TCERG1L: variants seen among roughly 807,000 people sequenced by gnomAD.
The protein encoded by TCERG1L is transcription elongation regulator 1 like, also known as transcription elongation regulator 1-like protein.
Under a neutral mutation model 56.3 loss-of-function variants are expected in TCERG1L, and 37 were observed. The ratio of observed to expected loss-of-function variants is 0.66; its 90% CI spans 0.51 to 0.87. TCERG1L has a LOEUF of 0.87. TCERG1L is among the 40% of genes least tolerant of loss of function. The pLI is 0.00. For missense variants in TCERG1L, 799 were observed against 774.2 expected (o/e 1.03, Z -0.38); for synonymous variants, 324 against 326.3 (o/e 0.99, Z 0.08).
intron 6 of TCERG1L, chr10:131,156,009 G>T (rs1199246097): frequency 6.6e-6 from 1 of 152,200 alleles, no homozygotes; most frequent in African/African-American, 2.4e-5. Flanking sequence ...TTTCTCTTCA[G>T]CACTACTTAC....
intron 4 of TCERG1L, among the ~76,000 whole-genome samples, chr10:131,231,873 G>A (rs1300247577): frequency 2.0e-5 from 3 of 152,208 alleles, no homozygotes; most frequent in African/African-American, 4.8e-5. Flanking sequence ...GTGGAGAGGG[G>A]AGAGCAGCTC....
chr10:131,169,448 G>A (rs151319370), intron 4 of TCERG1L, among the ~76,000 whole-genome samples: 11 of 152,322 alleles, frequency 7.2e-5, no homozygotes, highest in East Asian at 5.8e-4. Context: ...AGGCCCAAGC[G>A]ATGGGACGAG....
chr10:131,285,513 AAAG>A (rs1346880747), intron 3 of TCERG1L, among the ~76,000 whole-genome samples: 17,666 of 59,380 alleles, frequency 0.3, 2,168 homozygotes, highest in Admixed American at 0.35. Flanking sequence ...AGAAAGAAAG[AAAG>A]AAAGAAAGAG....
chr10:131,295,058 T>C (rs1264901509), intron 3 of TCERG1L, among the ~76,000 whole-genome samples: 1 of 151,800 alleles, frequency 6.6e-6, no homozygotes, highest in Non-Finnish European at 1.5e-5. Context: ...TTGCCTAGAA[T>C]GTCACAAAAG....
At chr10:131,174,844 G>T (rs1031674726) in intron 4 of TCERG1L, among the ~76,000 whole-genome samples, 1 of 150,718 alleles carries the variant, frequency 6.6e-6, no homozygotes, top group Admixed American at 6.6e-5. Context: ...ACAGGACTCA[G>T]CCCGATCATG....
chr10:131,255,679 G>A (rs189404005), intron 4 of TCERG1L, among the ~76,000 whole-genome samples: 15 of 152,340 alleles, frequency 9.8e-5, no homozygotes, highest in East Asian at 9.7e-4. Context: ...GATGGCTAAC[G>A]GCTAACGTAG....
At chr10:131,167,944 C>T (rs1287424035) in intron 4 of TCERG1L, among the ~76,000 whole-genome samples, 1 of 152,180 alleles carries the variant, frequency 6.6e-6, no homozygotes, top group Non-Finnish European at 1.5e-5. Flanking sequence ...AACCATCTAA[C>T]CACACACCAA....
chr10:131,277,869 G>A (rs1373350854), intron 3 of TCERG1L, among the ~76,000 whole-genome samples: 1 of 151,970 alleles, frequency 6.6e-6, no homozygotes, highest in Non-Finnish European at 1.5e-5. Flanking sequence ...AGTGGCAGGT[G>A]CCTCCTGAGC....
At chr10:131,246,730 G>A (rs545392147) in intron 4 of TCERG1L, among the ~76,000 whole-genome samples, 35 of 152,272 alleles carry the variant, frequency 2.3e-4, no homozygotes, top group African/African-American at 6.5e-4. Context: ...TTGGTCCAAA[G>A]AGGAGGAATT....
At chr10:131,277,776 G>C (rs1846408237) in intron 3 of TCERG1L, among the ~76,000 whole-genome samples, 1 of 152,198 alleles carries the variant, frequency 6.6e-6, no homozygotes, top group Admixed American at 6.5e-5. Context: ...TGAGCCCTGA[G>C]GACATCTGGT....
intron 9 of TCERG1L, among the ~76,000 whole-genome samples, chr10:131,115,946 G>A (rs905302419): frequency 3.3e-5 from 5 of 152,190 alleles, no homozygotes; most frequent in Non-Finnish European, 5.9e-5. Flanking sequence ...CCAGCTGTGG[G>A]AGGGAGAGGA....
intron 4 of TCERG1L, among the ~76,000 whole-genome samples, chr10:131,191,562 C>A (rs1414500838): frequency 7.0e-6 from 1 of 143,014 alleles, no homozygotes; most frequent in Non-Finnish European, 1.5e-5. Flanking sequence ...ACAGAATAGA[C>A]AACTCAGAAA....
At chr10:131,255,707 C>T (rs540812793) in intron 4 of TCERG1L, among the ~76,000 whole-genome samples, 1 of 152,196 alleles carries the variant, frequency 6.6e-6, no homozygotes, top group Non-Finnish European at 1.5e-5. Flanking sequence ...CAGGGTGATT[C>T]TCAGGGTAGG....
At chr10:131,209,336 G>GA (rs972055766) in intron 4 of TCERG1L, among the ~76,000 whole-genome samples, 7 of 152,156 alleles carry the variant, frequency 4.6e-5, no homozygotes, top group African/African-American at 1.7e-4. Context: ...CCGAAGTCTG[G>GA]AAAATCAAGA....
At chr10:131,221,540 C>G (rs1377488923) in intron 4 of TCERG1L, among the ~76,000 whole-genome samples, 2 of 152,196 alleles carry the variant, frequency 1.3e-5, no homozygotes, top group African/African-American at 4.8e-5. Context: ...TAGGAAGTTT[C>G]TGGAAGATGC....
chr10:131,246,648 G>A (rs10765061), intron 4 of TCERG1L, among the ~76,000 whole-genome samples: 39,631 of 150,496 alleles, frequency 0.26, 5,600 homozygotes, highest in South Asian at 0.45. Context: ...TCCTCCTTCC[G>A]TGGTGGGTGC....
chr10:131,164,528 T>G (rs1846012078), intron 5 of TCERG1L, among the ~76,000 whole-genome samples: 1 of 152,212 alleles, frequency 6.6e-6, no homozygotes, highest in Non-Finnish European at 1.5e-5. Flanking sequence ...TCACATGAAG[T>G]AGCATGAGAA....
intron 9 of TCERG1L, among the ~76,000 whole-genome samples, chr10:131,105,595 G>A (rs58550564): frequency 0.17 from 25,614 of 151,246 alleles, 2,539 homozygotes; most frequent in Middle Eastern, 0.24. Context: ...TGGAATACTC[G>A]TTCATGCCTC....
chr10:131,163,158 C>A lies in TCERG1L; in HGVS notation c.998G>T (p.Arg333Met). ...GGGCACCGGGGTGGAGGCCACTGGC[C>A]TGTTGCCTCTGGCTGTGCTGTCCTC... The part of the protein sequence containing the change: ...GGEDSTARGN[R>M]PVASTPVPGS... The change falls in exon 6 of 12, where the codon AGG (arginine) becomes ATG (methionine). Residue 333 changes from arginine to methionine, a missense_variant. Coordinates refer to ENST00000368642, the MANE Select transcript of TCERG1L (RefSeq NM_174937.4). 6.3e-7 allele frequency: 1 copy of A among 1,578,244 alleles called. No homozygotes were observed. Among genetic ancestry groups the A allele is most frequent in the East Asian group, 2.3e-5 (1 of 43,592 alleles).
Sources: allele counts gnomAD v4.1 joint callset (sites outside exome capture counted in the v4.1 genomes callset), GRCh38; gene constraint gnomAD v4.1.1; transcripts MANE v1.5; gene names NCBI Gene and HGNC (gene_info 2026-07-23, HGNC 2026-07-21).